Variants in SERPINB7 observed in about 807,000 individuals in gnomAD.
SERPINB7 encodes serpin B7.
In SERPINB7, 31 loss-of-function variants were observed where a neutral mutation model predicts 37.4. The ratio of observed to expected loss-of-function variants is 0.83; its 90% CI spans 0.62 to 1.12. The LOEUF (loss-of-function observed/expected upper bound fraction) is 1.12. Ranked by LOEUF, SERPINB7 falls within the 50% of genes most tolerant of loss-of-function variation. The pLI is 0.00. For synonymous variants in SERPINB7, 163 were observed against 166.1 expected (o/e 0.98, Z 0.14); for missense variants, 521 against 455.3 (o/e 1.14, Z -1.31).
intron 1 of SERPINB7, among the ~76,000 whole-genome samples, chr18:63,781,138 T>A (rs534710267): frequency 5.3e-5 from 8 of 152,330 alleles, no homozygotes; most frequent in African/African-American, 1.7e-4. Flanking sequence ...AATTTTAGAA[T>A]GTTCTTCTTT....
chr18:63,756,472 G>T (rs749101528), intron 1 of SERPINB7, among the ~76,000 whole-genome samples: 6 of 152,144 alleles, frequency 3.9e-5, no homozygotes, highest in Non-Finnish European at 7.3e-5. Flanking sequence ...TCAGCAGAGG[G>T]ATCAAATGAG....
intron 2 of SERPINB7, 46 bp from the exon 3 acceptor site, chr18:63,792,347 G>A (rs372942685): frequency 2.4e-5 from 34 of 1,396,700 alleles, no homozygotes; most frequent in African/African-American, 5.7e-5. Flanking sequence ...AACTGTTCTC[G>A]TAACCTCTGA....
At chr18:63,770,137 AGG>A (rs1407193217) in intron 1 of SERPINB7, among the ~76,000 whole-genome samples, 1 of 150,344 alleles carries the variant, frequency 6.7e-6, no homozygotes, top group East Asian at 2.0e-4. Flanking sequence ...GGGAGGATAG[AGG>A]GTGTTGCTTC....
chr18:63,789,752 C>G (rs2049407790), intron 2 of SERPINB7, among the ~76,000 whole-genome samples: 1 of 152,208 alleles, frequency 6.6e-6, no homozygotes, highest in African/African-American at 2.4e-5. Flanking sequence ...GCAAGATTCT[C>G]AAAATATAGT....
chr18:63,770,083 C>T (rs934535243), intron 1 of SERPINB7, among the ~76,000 whole-genome samples: 1 of 149,448 alleles, frequency 6.7e-6, no homozygotes, highest in Non-Finnish European at 1.5e-5. Context: ...GTGGGATTGT[C>T]ATTATGGTTC....
intron 1 of SERPINB7, among the ~76,000 whole-genome samples, chr18:63,756,811 T>C (rs1276603738): frequency 1.3e-5 from 2 of 149,480 alleles, no homozygotes; most frequent in East Asian, 3.9e-4. Context: ...AGCTTGTGTG[T>C]GTGTGTGTGT....
intron 6 of SERPINB7, among the ~76,000 whole-genome samples, chr18:63,799,139 G>A (rs1201049876): frequency 6.6e-6 from 1 of 152,156 alleles, no homozygotes; most frequent in African/African-American, 2.4e-5. Context: ...CTGAGTCACA[G>A]CAGGGAATGT....
At chr18:63,794,206 C>A (rs1390414440) in intron 4 of SERPINB7, among the ~76,000 whole-genome samples, 2 of 148,780 alleles carry the variant, frequency 1.3e-5, no homozygotes, top group Non-Finnish European at 1.5e-5. Context: ...AGGTGATCTG[C>A]CCACATCAGC....
chr18:63,764,308 G>A (rs1323506004), intron 1 of SERPINB7, among the ~76,000 whole-genome samples: 1 of 152,234 alleles, frequency 6.6e-6, no homozygotes, highest in Admixed American at 6.5e-5. Context: ...CAATTACTGT[G>A]TCTGGGGATT....
rs1404473699 is a variant in SERPINB7, at chr18:63,800,966, G to T, written c.698G>T (p.Gly233Val). The change falls in exon 7 of 8, where the codon GGT becomes GTT. Residue 233 changes from glycine to valine, a missense_variant. By Grantham distance (109) the Gly-to-Val change is moderately radical (BLOSUM62 -3). Transcript: ENST00000398019. Reference sequence around the variant, plus strand: ...AAGATTCTTGAGCTCAGATACAATGGTGGCATAAACATGTACGTTCTGCTG... The same window carrying T: ...AAGATTCTTGAGCTCAGATACAATGTTGGCATAAACATGTACGTTCTGCTG... ...SMKILELRYN[G>V]GINMYVLLPE... The T allele has an allele frequency of 1.2e-6, 2 of 1,613,956 alleles. No homozygotes were observed. Among genetic ancestry groups the T allele is most frequent in the Middle Eastern group, 1.7e-4 (1 of 6,060 alleles).
chr18:63,778,434 A>G (rs2049271572), intron 1 of SERPINB7, among the ~76,000 whole-genome samples: 1 of 152,116 alleles, frequency 6.6e-6, no homozygotes, highest in Non-Finnish European at 1.5e-5. Flanking sequence ...TAATTCAGTA[A>G]ATATAAAAGC....
intron 2 of SERPINB7, among the ~76,000 whole-genome samples, chr18:63,785,054 G>A (rs1045346056): frequency 6.6e-6 from 1 of 152,182 alleles, no homozygotes; most frequent in African/African-American, 2.4e-5. Flanking sequence ...ACTCTCATGT[G>A]TGACTTTTTA....
intron 1 of SERPINB7, among the ~76,000 whole-genome samples, chr18:63,769,375 T>C (rs776487054): frequency 1.3e-5 from 2 of 152,152 alleles, no homozygotes; most frequent in Non-Finnish European, 2.9e-5. Context: ...TATAAAAGTG[T>C]CTGAAACCAC....
At chr18:63,770,873 GCACA>G (rs10634962), upstream of SERPINB7, among the ~76,000 whole-genome samples, 287 of 148,932 alleles carry the variant, frequency 1.9e-3, 1 homozygote, top group African/African-American at 6.0e-3. Context: ...GTCTGCACAT[GCACA>G]CACACACACA....
intron 1 of SERPINB7, among the ~76,000 whole-genome samples, chr18:63,780,195 T>C (rs2049288353): frequency 6.6e-6 from 1 of 152,188 alleles, no homozygotes; most frequent in Non-Finnish European, 1.5e-5. Flanking sequence ...TCATTTCATT[T>C]ACTACTGTCT....
chr18:63,793,347 T>A, intron 4 of SERPINB7, 70 bp downstream of exon 4: 1 of 785,970 alleles, frequency 1.3e-6, no homozygotes, highest in South Asian at 1.8e-5. Flanking sequence ...AAGGCTTGTG[T>A]CTTTCTACTG....
chr18:63,786,103 ATATATGTATATATG>A (rs2049366437), intron 2 of SERPINB7, among the ~76,000 whole-genome samples: 1 of 132,608 alleles, frequency 7.5e-6, no homozygotes, highest in African/African-American at 3.0e-5. Context: ...ATATAAGTAT[ATATATGTATATATG>A]TATATATATA....
intron 2 of SERPINB7, among the ~76,000 whole-genome samples, chr18:63,791,928 G>A (rs2049433467): frequency 6.6e-6 from 1 of 152,098 alleles, no homozygotes; most frequent in Non-Finnish European, 1.5e-5. Flanking sequence ...GGTATTCTGA[G>A]TTACATCATT....
chr18:63,785,967 AT>A (rs1212188731), intron 2 of SERPINB7, among the ~76,000 whole-genome samples: 1 of 143,138 alleles, frequency 7.0e-6, no homozygotes, highest in Non-Finnish European at 1.5e-5. Context: ...ATATACACAT[AT>A]ATAATATACG....
Sources: allele counts gnomAD v4.1 joint callset (sites outside exome capture counted in the v4.1 genomes callset), GRCh38; gene constraint gnomAD v4.1.1; transcripts MANE v1.5; gene names NCBI Gene and HGNC (gene_info 2026-07-23, HGNC 2026-07-21).